TBC1D22A: variants seen among roughly 807,000 people sequenced by gnomAD.
The protein encoded by TBC1D22A is putative GTPase activator.
Under a neutral mutation model 60.2 loss-of-function variants are expected in TBC1D22A, and 38 were observed. The observed-to-expected ratio is 0.63, with a 90% CI of 0.49 to 0.83. The LOEUF is 0.83. Among genes scored for constraint, TBC1D22A ranks in the 40% least tolerant of loss-of-function variants. The pLI, the probability that TBC1D22A is intolerant of heterozygous loss-of-function variation, is 0.00. For missense variants in TBC1D22A, 628 were observed against 701.0 expected, an observed-to-expected ratio of 0.90 and a Z score of 1.18; for synonymous variants, 302 against 281.7, an observed-to-expected ratio of 1.07 and a Z score of -0.72.
chr22:47,084,544 G>A (rs1490461300), intron 11 of TBC1D22A, among the ~76,000 whole-genome samples: 3 of 152,194 alleles, frequency 2.0e-5, no homozygotes, highest in Non-Finnish European at 2.9e-5. Flanking sequence ...GAGAGCCACT[G>A]CTCTAGGGGG....
intron 8 of TBC1D22A, among the ~76,000 whole-genome samples, chr22:46,948,541 G>A (rs2072695784): frequency 6.6e-6 from 1 of 152,192 alleles, no homozygotes; most frequent in African/African-American, 2.4e-5. Context: ...CTCACTCCGG[G>A]TGTGTATTGG....
chr22:46,921,678 A>G (rs1177662629), intron 8 of TBC1D22A, among the ~76,000 whole-genome samples: 1 of 152,060 alleles, frequency 6.6e-6, no homozygotes, highest in Non-Finnish European at 1.5e-5. Flanking sequence ...TGCTTTCCAT[A>G]GTGGCTGAAC....
rs16996035 is a variant in TBC1D22A, at chr22:46,945,414, T to C, written c.1016-28876T>C. 8.1e-3 allele frequency among the ~76,000 whole-genome samples: 1,228 copies of C among 152,336 alleles called. 11 individuals are homozygous for C. Among genetic ancestry groups the C allele is most frequent in the African/African-American group, 0.028 (1,160 of 41,558 alleles). On this transcript the variant is annotated intron_variant, in intron 8 of 12. Coordinates refer to ENST00000337137, the MANE Select transcript of TBC1D22A (RefSeq NM_014346.5). ...TGTTTCTGAAGCTTTTAAAGAACTT[T>C]CCTTGTTATTATGTCTTACTAATTC...
chr22:47,037,073 C>A lies in TBC1D22A; in HGVS notation c.1204C>A (p.Gln402Lys). Reference sequence around the variant, plus strand: ...GGGCCTGTGTTTGTTTTGTGCAGAGCAAGTGCACCGGCACCTGGACCAACA... The same window carrying A: ...GGGCCTGTGTTTGTTTTGTGCAGAGAAAGTGCACCGGCACCTGGACCAACA... Reference protein sequence around the residue: ...LEELVSRIDEQVHRHLDQHEV... With the variant: ...LEELVSRIDEKVHRHLDQHEV... Residue 402 changes from glutamine (Q) to lysine (K), a missense_variant and splice_region_variant, in exon 11 of 13, where the codon CAA becomes AAA. Transcript: ENST00000337137. 6.2e-7 allele frequency: 1 copy of A among 1,613,494 alleles called. No homozygotes were observed. Among genetic ancestry groups the A allele is most frequent in the Non-Finnish European group, 8.5e-7 (1 of 1,179,628 alleles).
chr22:47,028,177 C>CA lies in TBC1D22A; in HGVS notation c.1202-8887dup, dbSNP rs2062324937. 6.6e-6 allele frequency among the ~76,000 whole-genome samples: 1 copy of CA among 152,100 alleles called. No homozygotes were observed. Reference sequence around the variant, plus strand: ...GTTGTATTTTAGATTATGTTACTGTCAAAAAAATAGACCTCAATACCTCTC... The same window carrying CA: ...GTTGTATTTTAGATTATGTTACTGTCAAAAAAAATAGACCTCAATACCTCTC... On this transcript the variant is annotated intron_variant, in intron 10 of 12. Coordinates refer to ENST00000337137, the MANE Select transcript of TBC1D22A (RefSeq NM_014346.5). This position sits in a 1 kb window ranked among gnomAD's most constrained non-coding sequence, Gnocchi z 4.4.
intron 1 of TBC1D22A, among the ~76,000 whole-genome samples, chr22:46,772,072 CACATAT>C (rs1298214262): frequency 6.8e-6 from 1 of 146,000 alleles, no homozygotes; most frequent in Non-Finnish European, 1.5e-5. Context: ...TATGTATACA[CACATAT>C]ACATATATAT....
At chr22:46,823,340 A>G (rs2085908796) in intron 4 of TBC1D22A, among the ~76,000 whole-genome samples, 1 of 152,210 alleles carries the variant, frequency 6.6e-6, no homozygotes, top group Admixed American at 6.5e-5. Context: ...AAAATTTGGA[A>G]AATATAGAAC....
chr22:47,003,083 C>CT (rs1471762074), intron 10 of TBC1D22A, among the ~76,000 whole-genome samples: 1 of 152,144 alleles, frequency 6.6e-6, no homozygotes, highest in Non-Finnish European at 1.5e-5. Context: ...CCTCCAAGGG[C>CT]TAGGGGCGCC....
At chr22:47,156,313 G>A (rs2067715950) in intron 12 of TBC1D22A, among the ~76,000 whole-genome samples, 1 of 152,202 alleles carries the variant, frequency 6.6e-6, no homozygotes, top group African/African-American at 2.4e-5. Flanking sequence ...GACACATTTA[G>A]TGGGGACAGC....
At chr22:46,991,785 C>T (rs533648868) in intron 9 of TBC1D22A, among the ~76,000 whole-genome samples, 2 of 152,216 alleles carry the variant, frequency 1.3e-5, no homozygotes, top group Admixed American at 6.5e-5. Flanking sequence ...AGCCTCGGAA[C>T]GGTCTCCTCT....
At chr22:46,999,008 A>G (rs1421724272) in intron 10 of TBC1D22A, among the ~76,000 whole-genome samples, 1 of 152,178 alleles carries the variant, frequency 6.6e-6, no homozygotes, top group African/African-American at 2.4e-5. Flanking sequence ...TGTGAATTAC[A>G]CGTTCCTCTG....
At chr22:46,965,107 G>T (rs998952910) in intron 8 of TBC1D22A, among the ~76,000 whole-genome samples, 4 of 152,234 alleles carry the variant, frequency 2.6e-5, no homozygotes, top group Non-Finnish European at 5.9e-5. Context: ...GTCAGTGAAC[G>T]CTGGATTGTC....
At chr22:47,001,782 A>C (rs2061418692) in intron 10 of TBC1D22A, among the ~76,000 whole-genome samples, 2 of 152,166 alleles carry the variant, frequency 1.3e-5, no homozygotes, top group South Asian at 4.1e-4. Context: ...TTTTCTGAAA[A>C]ATTCTCGAAA....
At chr22:47,029,562 TG>T (rs1285780583) in intron 10 of TBC1D22A, among the ~76,000 whole-genome samples, 2 of 152,192 alleles carry the variant, frequency 1.3e-5, no homozygotes, top group Non-Finnish European at 2.9e-5. Context: ...ATGTGCTCTC[TG>T]GTGTCCAGCC....
chr22:46,860,826 A>G (rs1462076026), intron 4 of TBC1D22A, among the ~76,000 whole-genome samples: 1 of 152,166 alleles, frequency 6.6e-6, no homozygotes, highest in East Asian at 1.9e-4. Flanking sequence ...GCTCGAGTGT[A>G]AATTACACGA....
At chr22:46,984,516 G>A (rs984057420) in intron 9 of TBC1D22A, among the ~76,000 whole-genome samples, 4 of 150,724 alleles carry the variant, frequency 2.7e-5, no homozygotes, top group African/African-American at 4.9e-5. Flanking sequence ...TTGTCGGTTC[G>A]CTATTACTTC....
intron 8 of TBC1D22A, among the ~76,000 whole-genome samples, chr22:46,963,319 A>G (rs2073622901): frequency 6.6e-6 from 1 of 151,020 alleles, no homozygotes; most frequent in Admixed American, 6.6e-5. Flanking sequence ...TGCTCATCAC[A>G]CTGCCTGCCC....
intron 7 of TBC1D22A, among the ~76,000 whole-genome samples, chr22:46,898,967 T>C (rs895420023): frequency 2.6e-5 from 4 of 151,988 alleles, no homozygotes; most frequent in African/African-American, 9.7e-5. Context: ...CCCCTGGGGG[T>C]GCTGATCCTC....
intron 8 of TBC1D22A, among the ~76,000 whole-genome samples, chr22:46,963,186 G>A (rs1027435173): frequency 1.4e-5 from 2 of 147,034 alleles, no homozygotes; most frequent in South Asian, 2.1e-4. Flanking sequence ...GAGCGCCACC[G>A]CACTATAGCC....
Sources: allele counts gnomAD v4.1 joint callset (sites outside exome capture counted in the v4.1 genomes callset), GRCh38; gene constraint gnomAD v4.1.1; non-coding constraint Gnocchi (gnomAD v3.1); transcripts MANE v1.5; gene names NCBI Gene and HGNC (gene_info 2026-07-23, HGNC 2026-07-21).